The following TMEM41B variants were observed in gnomAD, a reference collection of about 807,000 sequenced individuals.
The protein encoded by TMEM41B is transmembrane protein 41B, also known as protein stasimon.
In TMEM41B, 18 loss-of-function variants were observed where a neutral mutation model predicts 31.9. The ratio of observed to expected loss-of-function variants is 0.56; its 90% confidence interval spans 0.39 to 0.84. TMEM41B has a LOEUF of 0.84. Among genes scored for constraint, TMEM41B ranks in the 40% least tolerant of loss-of-function variants. The pLI is 0.00. For missense variants in TMEM41B, 322 were observed against 348.0 expected (o/e 0.93, Z 0.59); for synonymous variants, 144 against 124.3 (o/e 1.16, Z -1.05).
At chr11:9,287,616 A>C (rs1564959933) in intron 5 of TMEM41B, 86 bp downstream of exon 5, 1 of 828,806 alleles carries the variant, frequency 1.2e-6, no homozygotes, top group African/African-American at 1.8e-5. Flanking sequence ...TTGGGTTAAT[A>C]CATGTAGTTA....
chr11:9,311,350 TC>T (rs1385530698), intron 1 of TMEM41B: 34 of 1,504,404 alleles, frequency 2.3e-5, no homozygotes, highest in Non-Finnish European at 3.0e-5. Flanking sequence ...TGAGCTTTCT[TC>T]ATTTTCTTCT....
In TMEM41B at chr11:9,282,942, A is replaced by G. The variant is rs957668476; in HGVS notation, c.*482T>C. ...GAGCTAGACTCCGTCTCAAAACAGA[A>G]AAAAAAAAAAAAAAAAAAAGAGGAA... is the stretch of plus-strand genomic sequence containing the variant. On this transcript the variant is annotated 3_prime_UTR_variant, in exon 7 of 7. Transcript: ENST00000528080. 3 of 2,078 alleles carry G rather than the reference A, an allele frequency of 1.4e-3. No individual in the cohort carries two copies. Among genetic ancestry groups the G allele is most frequent in the East Asian group, 0.11 (2 of 18 alleles). 0.1% of individuals were successfully genotyped at this position (2,078 alleles called of 1,614,324 possible). A position where few individuals can be genotyped will look rare whatever the true frequency, so the allele number is the denominator to read the frequency against.
At chr11:9,306,555 G>A (rs369340659) in intron 1 of TMEM41B, among the ~76,000 whole-genome samples, 5 of 151,910 alleles carry the variant, frequency 3.3e-5, no homozygotes, top group Admixed American at 6.6e-5. Flanking sequence ...GCACAGTGGC[G>A]GGCGCCTGTA....
At chr11:9,311,670 C>A in intron 1 of TMEM41B, 1 of 814,986 alleles carries the variant, frequency 1.2e-6, no homozygotes, top group Non-Finnish European at 2.2e-6. Flanking sequence ...CCCTGGCTGC[C>A]TGGCACTGGG....
intron 1 of TMEM41B, among the ~76,000 whole-genome samples, chr11:9,304,117 A>AGAATGC (rs962996435): frequency 6.6e-6 from 1 of 152,228 alleles, no homozygotes. Context: ...CAATAAACCA[A>AGAATGC]GAATGCCTGT....
At chr11:9,306,390 A>C (rs1307449684) in intron 1 of TMEM41B, among the ~76,000 whole-genome samples, 5 of 152,102 alleles carry the variant, frequency 3.3e-5, no homozygotes, top group Non-Finnish European at 7.4e-5. Flanking sequence ...CTGTTATAGA[A>C]AGCCAGAATT....
chr11:9,298,503 G>A (rs1365069955), intron 2 of TMEM41B, among the ~76,000 whole-genome samples: 1 of 150,220 alleles, frequency 6.7e-6, no homozygotes, highest in East Asian at 2.0e-4. Context: ...AGTGGCTCAC[G>A]CCTGTAATCC....
intron 2 of TMEM41B, among the ~76,000 whole-genome samples, chr11:9,297,345 A>C (rs1271971048): frequency 3.3e-5 from 5 of 152,132 alleles, no homozygotes; most frequent in Non-Finnish European, 5.9e-5. Flanking sequence ...TTGGCCTCCC[A>C]AAGTACTGGG....
rs1357297226 is a variant in TMEM41B, at chr11:9,302,909, CTCAG to C, written c.122-3212_122-3209del. On this transcript the variant is annotated intron_variant, in intron 1 of 6. Coordinates refer to ENST00000528080, the MANE Select transcript of TMEM41B (RefSeq NM_015012.4). ...CCTATAGTCCCAACTACTCAAGAAA[CTCAG>C]TCAGGAGGATCACTTAAGCACAGAA... is the stretch of plus-strand genomic sequence containing the variant. Among the ~76,000 whole-genome samples the C allele has an allele frequency of 5.0e-5, 5 of 100,552 alleles. 2 individuals are homozygous for C. Among genetic ancestry groups the C allele is most frequent in the Non-Finnish European group, 1.1e-4 (5 of 46,686 alleles). 66.0% of individuals were successfully genotyped at this position (100,552 alleles called of 152,430 possible). A position where few individuals can be genotyped will look rare whatever the true frequency, so the allele number is the denominator to read the frequency against.
rs145412136 is a variant in TMEM41B at position 9,306,945 on chromosome 11, C to A, written c.122-7244G>T. On this transcript the variant is annotated intron_variant, in intron 1 of 6. Coordinates refer to ENST00000528080, the MANE Select transcript of TMEM41B (RefSeq NM_015012.4). ...TTATCTTCCCTTGCTCCTTTCCCTT[C>A]ATCTTATCATTAAATGTCAACACAC... Among the ~76,000 whole-genome samples, 13 of 152,286 alleles carry A rather than the reference C, an allele frequency of 8.5e-5. No homozygotes were observed. The East Asian group carries it at 2.5e-3, about 29-fold the overall frequency.
chr11:9,287,493 G>C (rs1852862135), intron 5 of TMEM41B, among the ~76,000 whole-genome samples: 1 of 152,048 alleles, frequency 6.6e-6, no homozygotes, highest in Non-Finnish European at 1.5e-5. Context: ...TACCATCACA[G>C]GTCTGAAACA....
intron 1 of TMEM41B, among the ~76,000 whole-genome samples, chr11:9,304,718 C>T (rs563546905): frequency 2.0e-5 from 3 of 151,640 alleles, no homozygotes; most frequent in Non-Finnish European, 2.9e-5. Flanking sequence ...AGTGCAGTGG[C>T]GTGATCCTGG....
Position 9,286,186 on chromosome 11 carries a change from A to T in TMEM41B, c.706+269T>A, listed in dbSNP as rs1039096912. Reference sequence around the variant, plus strand: ...TTGATTTTTTTTCCTCTCCACTTAGAGGGACTGGAAGTCCTGCTTAACCCT... The same window carrying T: ...TTGATTTTTTTTCCTCTCCACTTAGTGGGACTGGAAGTCCTGCTTAACCCT... On this transcript the variant is annotated intron_variant, in intron 6 of 6. Transcript: ENST00000528080. Among the ~76,000 whole-genome samples the T allele has an allele frequency of 4.2e-4, 4 of 9,510 alleles. No homozygotes were observed. In the South Asian group the frequency reaches 0.12, roughly 297 times the overall value. The allele number at this position is 9,510 out of a possible 152,430, so 6.2% of individuals were successfully genotyped here.
intron 3 of TMEM41B, among the ~76,000 whole-genome samples, chr11:9,288,773 T>A (rs1564960410): frequency 6.6e-6 from 1 of 152,138 alleles, no homozygotes. Context: ...AACCGGGCAC[T>A]TTGGGGGAGG....
chr11:9,312,791 C>T (rs910629107), intron 1 of TMEM41B, among the ~76,000 whole-genome samples: 5 of 151,160 alleles, frequency 3.3e-5, no homozygotes, highest in Non-Finnish European at 7.4e-5. Context: ...GTAGTCCCAG[C>T]TACTCGGGAG....
chr11:9,308,055 A>C (rs1184073483), intron 1 of TMEM41B, among the ~76,000 whole-genome samples: 2 of 152,146 alleles, frequency 1.3e-5, no homozygotes, highest in African/African-American at 4.8e-5. Context: ...TTTTTTAAAA[A>C]CACAACAGAG....
chr11:9,313,689 C>T (rs1853617623), intron 1 of TMEM41B, among the ~76,000 whole-genome samples: 1 of 151,990 alleles, frequency 6.6e-6, no homozygotes, highest in East Asian at 1.9e-4. Context: ...TTTATTTAGC[C>T]CCCACTTCAT....
At chr11:9,297,523 C>G (rs1000018050) in intron 2 of TMEM41B, among the ~76,000 whole-genome samples, 1 of 152,082 alleles carries the variant, frequency 6.6e-6, no homozygotes, top group African/African-American at 2.4e-5. Context: ...GAAACCCCAT[C>G]TCTACTAAAA....
At chr11:9,309,527 T>TTTTTTTTTTTTTGAGACGGAG (rs1343357121) in intron 1 of TMEM41B, among the ~76,000 whole-genome samples, 1 of 150,766 alleles carries the variant, frequency 6.6e-6, no homozygotes. Flanking sequence ...GCTTCCTTCT[T>TTTTTTTTTTTTTGAGACGGAG]TCTGTAAGCC....
Sources: gnomAD v4.1 joint callset for allele counts (sites outside exome capture counted in the v4.1 genomes callset) on GRCh38, gnomAD v4.1.1 for gene constraint, MANE v1.5 for transcripts, NCBI Gene and HGNC (gene_info 2026-07-23, HGNC 2026-07-21) for gene names.